The following ATP6V0C variants were observed in gnomAD, a reference collection of about 807,000 sequenced individuals.
ATP6V0C encodes V-type proton ATPase 16 kDa proteolipid subunit c.
In ATP6V0C, 2 loss-of-function variants were observed where a neutral mutation model predicts 10.6. The ratio of observed to expected loss-of-function variants is 0.19; its 90% CI spans 0.08 to 0.59. ATP6V0C has a LOEUF of 0.59. ATP6V0C is among the 20% of genes least tolerant of loss of function. ATP6V0C has a pLI of 0.90. For synonymous variants in ATP6V0C, 128 were observed against 101.3 expected, an observed-to-expected ratio of 1.26 and a Z score of -1.59; for missense variants, 89 against 225.9, an observed-to-expected ratio of 0.39 and a Z score of 3.88.
At position 2,519,408 on chromosome 16, in the gene ATP6V0C, A is replaced by G; in HGVS notation, c.263+7A>G. The stretch of plus-strand genomic sequence containing the variant: ...ACGACATCAGCCTCTACAAGTGAGC[A>G]CTGGGGTCAGGCCCCTGCCCAGGGC... On this transcript the variant is annotated splice_region_variant and intron_variant, in intron 2 of 2. Transcript: ENST00000330398. The G allele has an allele frequency of 6.2e-7, 1 of 1,610,588 alleles. No homozygotes were observed. The highest frequency in any genetic ancestry group is 1.1e-5 in the South Asian group (1 of 90,738).
chr16:2,515,355 G>A (rs184604461), intron 1 of ATP6V0C, among the ~76,000 whole-genome samples: 2 of 152,338 alleles, frequency 1.3e-5, no homozygotes, highest in Admixed American at 1.3e-4. Context: ...GCCCCACCCT[G>A]CCTGGTGGCC....
Position 2,514,163 on chromosome 16 carries a change from G to T in ATP6V0C, c.60G>T (p.Ser20=). Residue 20 remains serine, a synonymous_variant, in exon 1 of 3, where the codon TCG becomes TCT. Coordinates refer to ENST00000330398, the MANE Select transcript of ATP6V0C (RefSeq NM_001694.4). ...YASFFAVMGA[S]AAMVFSALGA... ...CGTTTTTCGCCGTCATGGGCGCCTC[G>T]GCCGCCATGGTCTTCAGCGGTGAGC... 6.3e-7 allele frequency: 1 copy of T among 1,582,222 alleles called. No individual in the cohort carries two copies. The highest frequency in any genetic ancestry group is 8.6e-7 in the Non-Finnish European group (1 of 1,165,242).
intron 1 of ATP6V0C, among the ~76,000 whole-genome samples, chr16:2,516,279 AT>A (rs5815126): frequency 9.4e-4 from 137 of 145,590 alleles, no homozygotes; most frequent in African/African-American, 9.5e-4. Flanking sequence ...TGCCCAGCTA[AT>A]TTTTTTTTTT....
intron 1 of ATP6V0C, among the ~76,000 whole-genome samples, chr16:2,518,435 C>G (rs2065887750): frequency 6.6e-6 from 1 of 152,206 alleles, no homozygotes; most frequent in Non-Finnish European, 1.5e-5. Context: ...TGGAGCCACC[C>G]CGTGTGCAGG....
At chr16:2,514,469 C>T (rs1039233751) in intron 1 of ATP6V0C, 53 of 165,490 alleles carry the variant, frequency 3.2e-4, no homozygotes, top group Non-Finnish European at 1.7e-4. Context: ...GGCGGCGGCG[C>T]CGCTGCCATA....
At position 2,520,050 on chromosome 16, in the gene ATP6V0C, G is replaced by C. The variant is rs1263718493; in HGVS notation, c.*305G>C. 1.5e-6 allele frequency: 1 copy of C among 645,460 alleles called. No individual in the cohort carries two copies. Among genetic ancestry groups the C allele is most frequent in the East Asian group, 3.1e-5 (1 of 32,296 alleles). The allele number at this position is 645,460 out of a possible 1,614,324, so 40.0% of individuals were successfully genotyped here. A position where few individuals can be genotyped will look rare whatever the true frequency, so the allele number is the denominator to read the frequency against. ...ACTGGATGTTTATTTATAAAGATCTGGCCTGTTCCTGCGTCTGCGGAGCGG... is the reference window on the plus strand; with the variant it reads ...ACTGGATGTTTATTTATAAAGATCTCGCCTGTTCCTGCGTCTGCGGAGCGG... On this transcript the variant is annotated 3_prime_UTR_variant, in exon 3 of 3. Coordinates refer to ENST00000330398, the MANE Select transcript of ATP6V0C (RefSeq NM_001694.4).
Position 2,519,532 on chromosome 16 carries a change from C to A in ATP6V0C, c.264-9C>A. 1 of 1,544,210 alleles carries A rather than the reference C, an allele frequency of 6.5e-7. No individual in the cohort carries two copies. ...GCTGCTGATGTCAGTCCTCTCTTCT[C>A]GCCCCCAGGAGCTTCCTCCAGCTGG... On this transcript the variant is annotated splice_polypyrimidine_tract_variant and intron_variant, in intron 2 of 2. Transcript: ENST00000330398.
Position 2,520,014 on chromosome 16 carries a change from C to T in ATP6V0C, c.*269C>T, listed in dbSNP as rs991943170. On this transcript the variant is annotated 3_prime_UTR_variant, in exon 3 of 3. Transcript: ENST00000330398. The stretch of plus-strand genomic sequence containing the variant: ...GTGTATGCGGATGATTTAGAATTGT[C>T]ATTTCTCTTTACTGGATGTTTATTT... 7 of 684,416 alleles carry T rather than the reference C, an allele frequency of 1.0e-5. No individual in the cohort carries two copies. The highest frequency in any genetic ancestry group is 8.9e-5 in the African/African-American group (5 of 56,388). The allele number at this position is 684,416 out of a possible 1,614,324, so 42.4% of individuals were successfully genotyped here. A position where few individuals can be genotyped will look rare whatever the true frequency, so the allele number is the denominator to read the frequency against.
chr16:2,518,171 T>C (rs1339318748), intron 1 of ATP6V0C, among the ~76,000 whole-genome samples: 1 of 152,194 alleles, frequency 6.6e-6, no homozygotes, highest in Non-Finnish European at 1.5e-5. Flanking sequence ...AGCAGCTCAG[T>C]AGGCCCCTGT....
chr16:2,517,415 G>C (rs2065881989), intron 1 of ATP6V0C: 1 of 152,304 alleles, frequency 6.6e-6, no homozygotes, highest in Non-Finnish European at 1.5e-5. Context: ...GGGTGCCTCT[G>C]CAGGTGCTAT....
At position 2,519,712 on chromosome 16, in the gene ATP6V0C, T is replaced by G. The variant is rs756083193; in HGVS notation, c.435T>G (p.Gly145=). ...LIFAEVLGLY[G]LIVALILSTK ...TCGCCGAGGTGCTCGGCCTCTACGG[T>G]CTCATCGTCGCCCTCATCCTCTCCA... The change falls in exon 3 of 3, where the codon GGT becomes GGG. Residue 145 remains glycine, a synonymous_variant. Transcript: ENST00000330398. 1 of 1,610,492 alleles carries G rather than the reference T, an allele frequency of 6.2e-7. No individual in the cohort carries two copies. Among genetic ancestry groups the G allele is most frequent in the Admixed American group, 1.7e-5 (1 of 59,862 alleles).
At chr16:2,518,862 C>T (rs2065891673) in intron 1 of ATP6V0C, 1 of 259,098 alleles carries the variant, frequency 3.9e-6, no homozygotes, top group Admixed American at 5.0e-5. Flanking sequence ...CCTGACCCCA[C>T]ATGGGGGCTG....
At position 2,519,820 on chromosome 16, in the gene ATP6V0C, C is replaced by A; in HGVS notation, c.*75C>A. The A allele has an allele frequency of 1.3e-6, 2 of 1,558,936 alleles. No homozygotes were observed. The highest frequency in any genetic ancestry group is 1.8e-6 in the Non-Finnish European group (2 of 1,136,004). On this transcript the variant is annotated 3_prime_UTR_variant, in exon 3 of 3. Coordinates refer to ENST00000330398, the MANE Select transcript of ATP6V0C (RefSeq NM_001694.4). ...CCTCATTCCAGAACGAACAGCCTGA[C>A]ACATACGCACGGGGCCGCCGCCCCC...
At chr16:2,514,646 G>A (rs531318917) in intron 1 of ATP6V0C, among the ~76,000 whole-genome samples, 1 of 152,298 alleles carries the variant, frequency 6.6e-6, no homozygotes, top group South Asian at 2.1e-4. Context: ...GAGCTTTCCG[G>A]CTGGTGGGGA....
intron 1 of ATP6V0C, chr16:2,517,057 T>C (rs1384863839): frequency 6.6e-6 from 1 of 152,470 alleles, no homozygotes; most frequent in Non-Finnish European, 1.5e-5. Context: ...ACTACTTGGG[T>C]TGCTGAGTTC....
chr16:2,516,097 CTTTTTTTTT>C (rs11367350), intron 1 of ATP6V0C, among the ~76,000 whole-genome samples: 3 of 125,028 alleles, frequency 2.4e-5, no homozygotes, highest in Admixed American at 8.1e-5. Context: ...CAGACAACTG[CTTTTTTTTT>C]TTTTTTTTTT....
rs943059648 is a variant in ATP6V0C at position 2,519,102 on chromosome 16, C to G, written c.80-116C>G. The G allele has an allele frequency of 6.5e-6, 8 of 1,237,102 alleles. No homozygotes were observed. In the African/African-American group the frequency reaches 1.1e-4, roughly 17 times the overall value. The allele number at this position is 1,237,102 out of a possible 1,614,324, so 76.6% of individuals were successfully genotyped here. ...GGGCTGGATGCCTTCTTCGGCTCCCCCTCTGCATGTGATAACTTGGGGTGG... is the reference window on the plus strand; with the variant it reads ...GGGCTGGATGCCTTCTTCGGCTCCCGCTCTGCATGTGATAACTTGGGGTGG... On this transcript the variant is annotated intron_variant, in intron 1 of 2. Coordinates refer to ENST00000330398, the MANE Select transcript of ATP6V0C (RefSeq NM_001694.4).
chr16:2,516,215 C>T (rs1296817025), intron 1 of ATP6V0C, among the ~76,000 whole-genome samples: 1 of 151,324 alleles, frequency 6.6e-6, no homozygotes, highest in South Asian at 2.1e-4. Context: ...CAGGCTCAAG[C>T]AATCCTCCTG....
At chr16:2,513,872 G>T, upstream of ATP6V0C, 1 of 388,124 alleles carries the variant, frequency 2.6e-6, no homozygotes, top group Non-Finnish European at 4.7e-6. Context: ...TCCCGGGGAC[G>T]CGTCTCCCCC....
Sources: allele counts gnomAD v4.1 joint callset (sites outside exome capture counted in the v4.1 genomes callset), GRCh38; gene constraint gnomAD v4.1.1; transcripts MANE v1.5; gene names NCBI Gene and HGNC (gene_info 2026-07-23, HGNC 2026-07-21).